PAM: variants seen among roughly 807,000 people sequenced by gnomAD.
PAM encodes peptidyl-glycine alpha-amidating monooxygenase.
PAM carries 72 observed loss-of-function variants against 122.1 expected under a neutral mutation model. The observed-to-expected ratio is 0.59, with a 90% CI of 0.49 to 0.72. PAM has a LOEUF of 0.72. Among genes scored for constraint, PAM ranks in the 30% least tolerant of loss-of-function variants. PAM has a pLI of 0.00. For synonymous variants in PAM, 389 were observed against 404.4 expected (o/e 0.96, Z 0.46); for missense variants, 1,106 against 1,183.7 (o/e 0.93, Z 0.96).
chr5:102,923,904 GT>G (rs1247258421), intron 5 of PAM, among the ~76,000 whole-genome samples: 1 of 152,128 alleles, frequency 6.6e-6, no homozygotes, highest in Non-Finnish European at 1.5e-5. Flanking sequence ...TGAATGTTTT[GT>G]TAAATAATGC....
Position 102,866,108 on chromosome 5 carries a change from C to A in PAM, c.-88C>A, listed in dbSNP as rs569788927. On this transcript the variant is annotated 5_prime_UTR_variant, in exon 2 of 26. In the 5' UTR this introduces an upstream ATG that the reference lacks. Coordinates refer to ENST00000438793, the MANE Select transcript of PAM (RefSeq NM_001177306.2). ...CCGTGCCCGGGCCATGAAGTAGCGG[C>A]TGCTGGCGGCGCCGCTGCCCAACCG... 5.0e-6 allele frequency: 4 copies of A among 801,654 alleles called. No homozygotes were observed. The Admixed American group carries it at 9.4e-5, about 19-fold the overall frequency. The allele number at this position is 801,654 out of a possible 1,614,324, so 49.7% of individuals were successfully genotyped here.
intron 1 of PAM, among the ~76,000 whole-genome samples, chr5:102,804,083 T>A (rs192864177): frequency 6.6e-6 from 1 of 152,020 alleles, no homozygotes; most frequent in Non-Finnish European, 1.5e-5. Context: ...GAAGAAACAG[T>A]AAGAGCACAG....
intron 21 of PAM, among the ~76,000 whole-genome samples, chr5:103,012,106 G>T (rs1447997720): frequency 2.0e-5 from 3 of 152,044 alleles, no homozygotes; most frequent in Non-Finnish European, 4.4e-5. Flanking sequence ...TTTTAAATTG[G>T]ATTATTAGAT....
intron 5 of PAM, among the ~76,000 whole-genome samples, chr5:102,917,927 C>T (rs1020681435): frequency 3.9e-5 from 6 of 152,270 alleles, no homozygotes; most frequent in Admixed American, 2.6e-4. Flanking sequence ...TTTTTTTCCT[C>T]TGCACACATT....
chr5:102,866,177 G>C lies in PAM; in HGVS notation c.-19G>C. ...TGCGCTGCCCGGTCCTCTCCCGGCG[G>C]GGTCGTATCGGCGTGGACATGGCTG... On this transcript the variant is annotated 5_prime_UTR_variant, in exon 2 of 26. Transcript: ENST00000438793. 6.3e-7 allele frequency: 1 copy of C among 1,581,558 alleles called. No homozygotes were observed.
intron 3 of PAM, among the ~76,000 whole-genome samples, chr5:102,899,841 C>A (rs1487073229): frequency 6.6e-6 from 1 of 151,602 alleles, no homozygotes; most frequent in East Asian, 2.0e-4. Context: ...GAGGGAAAGG[C>A]ACTGAAGGAT....
intron 16 of PAM, among the ~76,000 whole-genome samples, chr5:102,994,974 C>A (rs999847170): frequency 1.6e-4 from 25 of 152,062 alleles, no homozygotes; most frequent in Non-Finnish European, 2.9e-4. Flanking sequence ...TTCCCTCCTC[C>A]CCCCAGATAG....
intron 1 of PAM, among the ~76,000 whole-genome samples, chr5:102,830,923 T>C (rs867095249): frequency 6.6e-6 from 1 of 152,226 alleles, no homozygotes; most frequent in Non-Finnish European, 1.5e-5. Context: ...TTTGGTTATC[T>C]GAGAGTCTGA....
In PAM at chr5:102,806,258, G is replaced by A. The variant is rs550211468; in HGVS notation, c.-374+50910G>A. ...AAACAACCTTAAAATAGTCTGGCTA[G>A]CCTGTTAGGACCTAGACCACTGAAG... On this transcript the variant is annotated intron_variant, in intron 1 of 25. Transcript: ENST00000438793. Among the ~76,000 whole-genome samples the A allele has an allele frequency of 1.4e-4, 22 of 152,314 alleles. 1 individual carries two copies. In the South Asian group the frequency reaches 3.5e-3, roughly 24 times the overall value.
At chr5:103,030,806 G>A (rs1786134160), downstream of PAM, 6 of 152,286 alleles carry the variant, frequency 3.9e-5, no homozygotes, top group South Asian at 1.2e-3. Context: ...TTATTTAGTT[G>A]GCTTACAATG....
intron 7 of PAM, among the ~76,000 whole-genome samples, chr5:102,937,673 C>T (rs943279840): frequency 2.5e-4 from 38 of 152,084 alleles, no homozygotes; most frequent in Non-Finnish European, 4.3e-4. Flanking sequence ...CTCACCCTTC[C>T]GTTTTACAGA....
rs6873407 is a variant in PAM at position 103,013,063 on chromosome 5, T to G, written c.2331+3197T>G. ...GTTAGTTTTGACTATTCTGGGTCTTTTGTGATTTCATATAAATTTTAGAAT... is the reference window on the plus strand; with the variant it reads ...GTTAGTTTTGACTATTCTGGGTCTTGTGTGATTTCATATAAATTTTAGAAT... On this transcript the variant is annotated intron_variant, in intron 21 of 25. Transcript: ENST00000438793. 4.2e-3 allele frequency among the ~76,000 whole-genome samples: 644 copies of G among 152,292 alleles called. 7 individuals carry two copies. Among genetic ancestry groups the G allele is most frequent in the African/African-American group, 0.014 (567 of 41,574 alleles).
At chr5:102,951,491 A>T (rs1007894099) in intron 12 of PAM, among the ~76,000 whole-genome samples, 1 of 152,090 alleles carries the variant, frequency 6.6e-6, no homozygotes, top group African/African-American at 2.4e-5. Context: ...TTTTATGTTA[A>T]ACAACTTTTA....
chr5:102,901,422 T>G lies in PAM; in HGVS notation c.268+9T>G. 6.6e-7 allele frequency: 1 copy of G among 1,504,464 alleles called. No homozygotes were observed. Among genetic ancestry groups the G allele is most frequent in the Non-Finnish European group, 9.2e-7 (1 of 1,081,808 alleles). The allele number at this position is 1,504,464 out of a possible 1,614,324, so 93.2% of individuals were successfully genotyped here. The stretch of plus-strand genomic sequence containing the variant: ...TGAGGAAGCCTTCGTGAGTAAGTAT[T>G]AATTGGATTGGGGGAGTAGCAGTTT... On this transcript the variant is annotated intron_variant, in intron 4 of 25. Coordinates refer to ENST00000438793, the MANE Select transcript of PAM (RefSeq NM_001177306.2).
At chr5:102,989,340 G>A (rs1283078925) in intron 15 of PAM, among the ~76,000 whole-genome samples, 2 of 151,932 alleles carry the variant, frequency 1.3e-5, no homozygotes, top group South Asian at 2.1e-4. Context: ...GCCATCTCTC[G>A]AATAAATTTT....
intron 3 of PAM, among the ~76,000 whole-genome samples, chr5:102,889,486 G>A (rs1414279275): frequency 6.6e-6 from 1 of 151,704 alleles, no homozygotes; most frequent in Non-Finnish European, 1.5e-5. Context: ...TAACATCCCT[G>A]CATGCTTCCC....
chr5:102,879,543 G>T (rs911099248), intron 3 of PAM, among the ~76,000 whole-genome samples: 6 of 152,038 alleles, frequency 3.9e-5, no homozygotes, highest in African/African-American at 1.4e-4. Context: ...ATGAAATTTA[G>T]TTGTTTAAAA....
chr5:102,871,748 ATG>A (rs1787581507), intron 3 of PAM, among the ~76,000 whole-genome samples: 1 of 147,348 alleles, frequency 6.8e-6, no homozygotes, highest in African/African-American at 2.5e-5. Context: ...ATATATATAT[ATG>A]TATATTTGAA....
chr5:102,867,386 C>A lies in PAM; in HGVS notation c.203C>A (p.Pro68His). 1 of 1,608,046 alleles carries A rather than the reference C, an allele frequency of 6.2e-7. No individual in the cohort carries two copies. Among genetic ancestry groups the A allele is most frequent in the Non-Finnish European group, 8.5e-7 (1 of 1,175,166 alleles). The change falls in exon 3 of 26, where the codon CCT (proline) becomes CAT (histidine). Residue 68 changes from proline to histidine, a missense_variant. Pro to His is a moderately conservative substitution (Grantham distance 77). This residue lies in a region of PAM where 670 missense variants were observed against 690.3 expected (regional missense o/e 0.97). Transcript: ENST00000438793. Reference protein sequence around the residue: ...ALDIRMPGVTPKQSDTYFCMS... With the variant: ...ALDIRMPGVTHKQSDTYFCMS... ...GATATTCGCATGCCTGGGGTTACAC[C>A]TAAACAGGTGAGAGGAATTTTGTCT...
Sources: allele counts gnomAD v4.1 joint callset (sites outside exome capture counted in the v4.1 genomes callset), GRCh38; gene constraint gnomAD v4.1.1; regional missense constraint gnomAD v4.1.1; transcripts MANE v1.5; gene names NCBI Gene and HGNC (gene_info 2026-07-23, HGNC 2026-07-21).